SNUPN: variants seen among roughly 807,000 people sequenced by gnomAD.
SNUPN encodes snurportin-1.
Under a neutral mutation model 39.2 loss-of-function variants are expected in SNUPN, and 31 were observed. That is an observed-to-expected ratio of 0.79 (90% CI 0.59 to 1.07). SNUPN has a LOEUF of 1.07. Ranked by LOEUF, SNUPN falls within the 50% of genes least tolerant of loss-of-function variation. The pLI, the probability that SNUPN is intolerant of heterozygous loss-of-function variation, is 0.00. For missense variants in SNUPN, 382 were observed against 434.2 expected, an observed-to-expected ratio of 0.88 and a Z score of 1.07; for synonymous variants, 132 against 159.0, an observed-to-expected ratio of 0.83 and a Z score of 1.28.
chr15:75,598,459 C>A lies in SNUPN; in HGVS notation c.982G>T (p.Ala328Ser). 1 of 1,614,180 alleles carries A rather than the reference C, an allele frequency of 6.2e-7. No individual in the cohort carries two copies. The highest frequency in any genetic ancestry group is 8.5e-7 in the Non-Finnish European group (1 of 1,180,038). Residue 328 changes from alanine to serine, a missense_variant, in exon 9 of 9, where the codon GCC becomes TCC. Transcript: ENST00000308588. ...AATTCATAGTGCCCATTCTCAGAGG[C>A]CTTGTGTGTGAGTTTCTCCTTCATG... The part of the protein sequence containing the change: ...EGMKEKLTHK[A>S]SENGHYELEH...
chr15:75,620,792 T>C (rs552053148), intron 2 of SNUPN, 102 bp downstream of exon 2: 521 of 1,014,156 alleles, frequency 5.1e-4, no homozygotes, highest in Admixed American at 7.0e-4. Context: ...CTACAAAGAG[T>C]CTACTTTGAA....
chr15:75,618,995 C>G lies in SNUPN; in HGVS notation c.159-1443G>C, dbSNP rs114019942. 3.6e-3 allele frequency among the ~76,000 whole-genome samples: 386 copies of G among 106,846 alleles called. 1 individual carries two copies. Among genetic ancestry groups the G allele is most frequent in the Middle Eastern group, 0.028 (3 of 106 alleles). 70.1% of individuals were successfully genotyped at this position (106,846 alleles called of 152,430 possible). ...AACACCACTAAATAAATGTGCAGAA[C>G]AGTATATAGTATACTGCTACTTGTG... On this transcript the variant is annotated intron_variant, in intron 2 of 8. Transcript: ENST00000308588.
chr15:75,609,794 G>T, intron 4 of SNUPN, 96 bp downstream of exon 4: 2 of 1,185,678 alleles, frequency 1.7e-6, no homozygotes, highest in Non-Finnish European at 1.2e-6. Flanking sequence ...CTCCACTCCA[G>T]GCACAGCTGT....
At chr15:75,602,270 G>A (rs548912200) in intron 7 of SNUPN, among the ~76,000 whole-genome samples, 60 of 152,226 alleles carry the variant, frequency 3.9e-4, no homozygotes, top group African/African-American at 1.4e-3. Context: ...GCTCACGCCT[G>A]TAATCCCAGC....
chr15:75,609,918 C>T lies in SNUPN; in HGVS notation c.380G>A (p.Gly127Glu). The change falls in exon 4 of 9, where the codon GGA (glycine) becomes GAA (glutamate). Residue 127 changes from glycine (G) to glutamate (E), a missense_variant. Physicochemically the swap from Gly to Glu is moderately conservative, Grantham distance 98. Transcript: ENST00000308588. ...GGAGGCCACGATAAGGGCTCTTTTTCCAACAGGGCACACGACCACAATCCA... is the reference window on the plus strand; with the variant it reads ...GGAGGCCACGATAAGGGCTCTTTTTTCAACAGGGCACACGACCACAATCCA... ...QEWIVVVCPV[G>E]KRALIVASRG... 2 of 1,614,110 alleles carry T rather than the reference C, an allele frequency of 1.2e-6. No homozygotes were observed. Among genetic ancestry groups the T allele is most frequent in the Non-Finnish European group, 1.7e-6 (2 of 1,179,998 alleles).
In SNUPN at chr15:75,607,315, T is replaced by TGAGG; in HGVS notation, c.503-6_503-3dup. The TGAGG allele has an allele frequency of 6.2e-7, 1 of 1,600,658 alleles. No homozygotes were observed. Among genetic ancestry groups the TGAGG allele is most frequent in the South Asian group, 1.1e-5 (1 of 90,804 alleles). ...AAATGCAATCTAGAATGGTGTAGTC[T>TGAGG]GAGGACACAAAGCAGAAAGTCAGCA... On this transcript the variant is annotated splice_polypyrimidine_tract_variant and splice_region_variant and intron_variant, in intron 5 of 8. Coordinates refer to ENST00000308588, the MANE Select transcript of SNUPN (RefSeq NM_005701.4).
chr15:75,613,054 G>C (rs1035477518), intron 3 of SNUPN, among the ~76,000 whole-genome samples: 31 of 151,858 alleles, frequency 2.0e-4, no homozygotes, highest in Admixed American at 2.0e-3. Flanking sequence ...TCAGGAGATC[G>C]AGACCATCCT....
rs532760806 is a variant in SNUPN at position 75,601,315 on chromosome 15, C to G, written c.679-97G>C. 7.2e-6 allele frequency: 6 copies of G among 833,686 alleles called. No homozygotes were observed. In the African/African-American group the frequency reaches 1.0e-4, roughly 14 times the overall value. The allele number at this position is 833,686 out of a possible 1,614,324, so 51.6% of individuals were successfully genotyped here. A position where few individuals can be genotyped will look rare whatever the true frequency, so the allele number is the denominator to read the frequency against. On this transcript the variant is annotated intron_variant, in intron 7 of 8. Coordinates refer to ENST00000308588, the MANE Select transcript of SNUPN (RefSeq NM_005701.4). ...TCAGGCCAGGCATAGTGGCTCACAC[C>G]TGTAATCCCAGCACTTTGGGAGGCA...
chr15:75,598,485 C>T lies in SNUPN; in HGVS notation c.956G>A (p.Gly319Asp). Reference protein sequence around the residue: ...IMEHKKSQKEGMKEKLTHKAS... With the variant: ...IMEHKKSQKEDMKEKLTHKAS... ...CTTGTGTGTGAGTTTCTCCTTCATG[C>T]CTTCCTTCTGGCTCTTCTTGTGCTC... The change falls in exon 9 of 9, where the codon GGC becomes GAC. Residue 319 changes from glycine (G) to aspartate (D), a missense_variant. Physicochemically the swap from Gly to Asp is moderately conservative, Grantham distance 94. Transcript: ENST00000308588. 1 of 1,614,192 alleles carries T rather than the reference C, an allele frequency of 6.2e-7. No homozygotes were observed. Among genetic ancestry groups the T allele is most frequent in the Non-Finnish European group, 8.5e-7 (1 of 1,180,042 alleles).
chr15:75,614,077 G>GTCAC (rs1445814203), intron 3 of SNUPN, among the ~76,000 whole-genome samples: 1 of 152,052 alleles, frequency 6.6e-6, no homozygotes, highest in Non-Finnish European at 1.5e-5. Flanking sequence ...ATCAGCTCAG[G>GTCAC]TCACAAGTTC....
At chr15:75,620,770 A>T (rs1595989300) in intron 2 of SNUPN, 124 bp downstream of exon 2, 2 of 832,624 alleles carry the variant, frequency 2.4e-6, no homozygotes, top group East Asian at 5.2e-5. Flanking sequence ...ACCTGTGGGC[A>T]AGAAGATCAG....
At chr15:75,617,589 C>CT in intron 2 of SNUPN, 37 bp from the exon 3 acceptor site, 1 of 1,557,388 alleles carries the variant, frequency 6.4e-7, no homozygotes, top group Non-Finnish European at 8.6e-7. Context: ...CATATCTTTT[C>CT]TTCTTTTTTT....
intron 3 of SNUPN, among the ~76,000 whole-genome samples, chr15:75,615,984 C>T (rs536559830): frequency 3.3e-5 from 5 of 152,268 alleles, no homozygotes; most frequent in African/African-American, 1.2e-4. Flanking sequence ...TGCTCCACAT[C>T]TATCTTCCCA....
chr15:75,626,288 T>G (rs1214685743), upstream of SNUPN: 1 of 152,262 alleles, frequency 6.6e-6, no homozygotes, highest in Admixed American at 6.5e-5. Context: ...CCCACTCGGC[T>G]GCGGGCTGAG....
chr15:75,609,219 G>T (rs1389408525), intron 5 of SNUPN, among the ~76,000 whole-genome samples: 1 of 113,218 alleles, frequency 8.8e-6, no homozygotes, highest in African/African-American at 3.5e-5. Flanking sequence ...GTCTCGCTCT[G>T]TCGCCCAGGC....
intron 3 of SNUPN, among the ~76,000 whole-genome samples, chr15:75,611,088 AACCCAGG>A (rs758212638): frequency 6.6e-6 from 1 of 151,680 alleles, no homozygotes; most frequent in Non-Finnish European, 1.5e-5. Context: ...AAATCGTTTG[AACCCAGG>A]AGGCGCAGGT....
rs905447706 is a variant in SNUPN at position 75,613,258 on chromosome 15, CA to C, written c.304-3265del. 9.1e-4 allele frequency among the ~76,000 whole-genome samples: 37 copies of C among 40,628 alleles called. No homozygotes were observed. In the East Asian group the frequency reaches 0.014, roughly 15 times the overall value. The allele number at this position is 40,628 out of a possible 152,430, so 26.7% of individuals were successfully genotyped here. ...TGGGCGACAGAGCAAGACTCCATCT[CA>C]AAAAAAAAAAAAAAAAAAAAAAAGA... On this transcript the variant is annotated intron_variant, in intron 3 of 8. Transcript: ENST00000308588.
chr15:75,614,076 G>A (rs1383379367), intron 3 of SNUPN, among the ~76,000 whole-genome samples: 1 of 152,050 alleles, frequency 6.6e-6, no homozygotes, highest in Non-Finnish European at 1.5e-5. Context: ...GATCAGCTCA[G>A]GTCACAAGTT....
chr15:75,617,277 T>G, intron 3 of SNUPN, 131 bp downstream of exon 3: 1 of 916,842 alleles, frequency 1.1e-6, no homozygotes, highest in Non-Finnish European at 1.7e-6. Flanking sequence ...CACTGGCATG[T>G]TCTTTGCAGT....
Sources: allele counts gnomAD v4.1 joint callset (sites outside exome capture counted in the v4.1 genomes callset), GRCh38; gene constraint gnomAD v4.1.1; transcripts MANE v1.5; gene names NCBI Gene and HGNC (gene_info 2026-07-23, HGNC 2026-07-21).